The following DUSP5 variants were observed in gnomAD, a reference collection of about 807,000 sequenced individuals.
DUSP5 encodes the protein dual specificity phosphatase 5, also known as dual specificity protein phosphatase 5.
Under a neutral mutation model 33.6 loss-of-function variants are expected in DUSP5, and 22 were observed. The observed-to-expected ratio is 0.66, with a 90% CI of 0.47 to 0.94. DUSP5 has a LOEUF of 0.94. DUSP5 is among the 40% of genes least tolerant of loss of function. The pLI, the probability that DUSP5 is intolerant of heterozygous loss-of-function variation, is 0.00. For missense variants in DUSP5, 551 were observed against 522.1 expected (o/e 1.06, Z -0.54); for synonymous variants, 270 against 231.1 (o/e 1.17, Z -1.53).
At chr10:110,499,106 C>T (rs1422583845) in intron 1 of DUSP5, among the ~76,000 whole-genome samples, 1 of 152,104 alleles carries the variant, frequency 6.6e-6, no homozygotes, top group Non-Finnish European at 1.5e-5. Flanking sequence ...TCCTTTCCAC[C>T]CTTTTCACCT....
At chr10:110,508,100 T>G (rs1475328395) in intron 3 of DUSP5, among the ~76,000 whole-genome samples, 1 of 152,186 alleles carries the variant, frequency 6.6e-6, no homozygotes, top group Non-Finnish European at 1.5e-5. Context: ...AGATAGCAAT[T>G]AAAGGTCCCC....
At chr10:110,506,737 C>T (rs1860123685) in intron 2 of DUSP5, among the ~76,000 whole-genome samples, 198 bp from the exon 3 acceptor site, 1 of 152,190 alleles carries the variant, frequency 6.6e-6, no homozygotes, top group African/African-American at 2.4e-5. Context: ...AGTCACAAGG[C>T]AGTCACATAA....
At chr10:110,502,340 C>G (rs1472895365) in intron 1 of DUSP5, among the ~76,000 whole-genome samples, 1 of 152,136 alleles carries the variant, frequency 6.6e-6, no homozygotes, top group Non-Finnish European at 1.5e-5. Flanking sequence ...GTCTTCTCGC[C>G]AATTAATGAA....
chr10:110,498,376 C>T lies in DUSP5; in HGVS notation c.255C>T (p.Ala85=), dbSNP rs1277031293. The T allele has an allele frequency of 5.6e-6, 8 of 1,434,348 alleles. No homozygotes were observed. Among genetic ancestry groups the T allele is most frequent in the Non-Finnish European group, 7.3e-6 (8 of 1,094,208 alleles). The allele number at this position is 1,434,348 out of a possible 1,614,324, so 88.9% of individuals were successfully genotyped here. The part of the protein sequence containing the change: ...LLQEGGGGVA[A]VVVLDQGSRH... ...AGGAGGGCGGCGGCGGCGTCGCGGC[C>T]GTGGTGGTGCTGGACCAGGGCAGCC... The change falls in exon 1 of 4, where the codon GCC becomes GCT. Residue 85 remains alanine, a synonymous_variant. Coordinates refer to ENST00000369583, the MANE Select transcript of DUSP5 (RefSeq NM_004419.4).
At chr10:110,506,783 C>G (rs1292129845) in intron 2 of DUSP5, 152 bp from the exon 3 acceptor site, 1 of 785,136 alleles carries the variant, frequency 1.3e-6, no homozygotes, top group African/African-American at 1.7e-5. Flanking sequence ...TACAACCACA[C>G]TTGGTTGAAC....
intron 1 of DUSP5, among the ~76,000 whole-genome samples, chr10:110,501,123 G>A (rs1022031682): frequency 6.6e-6 from 1 of 152,162 alleles, no homozygotes; most frequent in Non-Finnish European, 1.5e-5. Context: ...GTCCAGGCAC[G>A]GGAAGTGATC....
rs1466059742 is a variant in DUSP5, at chr10:110,498,022, C to T, written c.-100C>T. ...CGCGGCCGCAGCCCCGCGGGTCGCC[C>T]TCCCGTGCCTCGCCCGCGGACACCC... On this transcript the variant is annotated 5_prime_UTR_variant, in exon 1 of 4. Coordinates refer to ENST00000369583, the MANE Select transcript of DUSP5 (RefSeq NM_004419.4). 9.2e-6 allele frequency: 9 copies of T among 975,006 alleles called. No homozygotes were observed. Among genetic ancestry groups the T allele is most frequent in the East Asian group, 1.0e-4 (1 of 9,756 alleles). The allele number at this position is 975,006 out of a possible 1,614,324, so 60.4% of individuals were successfully genotyped here. A position where few individuals can be genotyped will look rare whatever the true frequency, so the allele number is the denominator to read the frequency against.
At position 110,502,701 on chromosome 10, in the gene DUSP5, C is replaced by T. The variant is rs200239535; in HGVS notation, c.380-20C>T. 2 of 1,609,218 alleles carry T rather than the reference C, an allele frequency of 1.2e-6. No homozygotes were observed. Among genetic ancestry groups the T allele is most frequent in the South Asian group, 2.2e-5 (2 of 90,614 alleles). ...AATTGATGCTTACCATCTGTCTCAC[C>T]TTTTTGTTTGTTTTTGTAGGGGGAT... is the stretch of plus-strand genomic sequence containing the variant. On this transcript the variant is annotated intron_variant, in intron 1 of 3. Coordinates refer to ENST00000369583, the MANE Select transcript of DUSP5 (RefSeq NM_004419.4).
intron 2 of DUSP5, among the ~76,000 whole-genome samples, chr10:110,505,516 AAAGCT>A (rs2134661752): frequency 6.6e-6 from 1 of 152,358 alleles, no homozygotes; most frequent in South Asian, 2.1e-4. Context: ...CAGGAAACAA[AAAGCT>A]AACTCCGGGT....
chr10:110,506,658 C>T (rs966666554), intron 2 of DUSP5, among the ~76,000 whole-genome samples: 11 of 152,252 alleles, frequency 7.2e-5, no homozygotes, highest in African/African-American at 2.4e-4. Context: ...GGAAGGCTGT[C>T]GGCATATCCT....
rs1003723082 is a variant in DUSP5 at position 110,506,993 on chromosome 10, A to G, written c.587A>G (p.Lys196Arg). The G allele has an allele frequency of 1.2e-6, 2 of 1,614,166 alleles. No homozygotes were observed. Among genetic ancestry groups the G allele is most frequent in the African/African-American group, 2.7e-5 (2 of 74,952 alleles). The change falls in exon 3 of 4, where the codon AAG becomes AGG. Residue 196 changes from lysine (K) to arginine (R), a missense_variant. Lys to Arg is a conservative substitution (Grantham distance 26, BLOSUM62 2). Transcript: ENST00000369583. ...LYLGSAYHAS[K>R]CEFLANLHIT... Reference sequence around the variant, plus strand: ...CTTGGAAGTGCCTACCATGCATCCAAGTGCGAGTTCCTCGCCAACCTGCAC... The same window carrying G: ...CTTGGAAGTGCCTACCATGCATCCAGGTGCGAGTTCCTCGCCAACCTGCAC...
chr10:110,499,155 C>A (rs1019814694), intron 1 of DUSP5, among the ~76,000 whole-genome samples: 3 of 152,126 alleles, frequency 2.0e-5, no homozygotes, highest in African/African-American at 7.2e-5. Flanking sequence ...TGGGACCCAT[C>A]CTGAGCTGAG....
At chr10:110,500,872 G>A (rs532049439) in intron 1 of DUSP5, among the ~76,000 whole-genome samples, 14 of 152,352 alleles carry the variant, frequency 9.2e-5, no homozygotes, top group African/African-American at 2.4e-4. Flanking sequence ...GCAGGACCCT[G>A]TTTATCTGTC....
chr10:110,509,243 T>C (rs1230501144), intron 3 of DUSP5, among the ~76,000 whole-genome samples: 1 of 152,224 alleles, frequency 6.6e-6, no homozygotes, highest in Non-Finnish European at 1.5e-5. Flanking sequence ...CATCCTCCCC[T>C]TTTTGTCATA....
rs1000153585 is a variant in DUSP5, at chr10:110,508,176, A to G, written c.748+1022A>G. Among the ~76,000 whole-genome samples, 5 of 152,120 alleles carry G rather than the reference A, an allele frequency of 3.3e-5. No homozygotes were observed. The East Asian group carries it at 9.7e-4, about 29-fold the overall frequency. ...TGCTCCCCAGGAAACCCTGACGAGA[A>G]ACTCATCAGAGGCAAAAGGCCGAGC... On this transcript the variant is annotated intron_variant, in intron 3 of 3. Coordinates refer to ENST00000369583, the MANE Select transcript of DUSP5 (RefSeq NM_004419.4).
Position 110,497,989 on chromosome 10 carries a change from G to A in DUSP5, c.-133G>A. On this transcript the variant is annotated 5_prime_UTR_variant, in exon 1 of 4. Transcript: ENST00000369583. The stretch of plus-strand genomic sequence containing the variant: ...GAGTTGCGCCGCCGCTCGGGCGCCG[G>A]GCTCCGTCGCGGCCGCAGCCCCGCG... The A allele has an allele frequency of 1.3e-6, 1 of 749,466 alleles. No homozygotes were observed. 46.4% of individuals were successfully genotyped at this position (749,466 alleles called of 1,614,324 possible).
chr10:110,509,204 G>A (rs1005187438), intron 3 of DUSP5, among the ~76,000 whole-genome samples: 2 of 152,206 alleles, frequency 1.3e-5, no homozygotes, highest in African/African-American at 2.4e-5. Flanking sequence ...CTGGGGGCAG[G>A]GGGCTGGGAG....
chr10:110,506,052 CT>C lies in DUSP5; in HGVS notation c.529-877del, dbSNP rs552054622. Reference sequence around the variant, plus strand: ...GTTATTTTCATTTCTAAAAAGCATACTTTTTTGTGGAGGTGGAGGTGCATTT... The same window carrying C: ...GTTATTTTCATTTCTAAAAAGCATACTTTTTGTGGAGGTGGAGGTGCATTT... On this transcript the variant is annotated intron_variant, in intron 2 of 3. Coordinates refer to ENST00000369583, the MANE Select transcript of DUSP5 (RefSeq NM_004419.4). Among the ~76,000 whole-genome samples the C allele has an allele frequency of 7.2e-5, 11 of 152,236 alleles. No individual in the cohort carries two copies. The South Asian group carries it at 2.3e-3, about 32-fold the overall frequency.
rs143456586 is a variant in DUSP5 at position 110,498,181 on chromosome 10, G to A, written c.60G>A (p.Ala20=). 53 of 1,496,474 alleles carry A rather than the reference G, an allele frequency of 3.5e-5. No individual in the cohort carries two copies. The African/African-American group carries it at 6.1e-4, about 17-fold the overall frequency. The allele number at this position is 1,496,474 out of a possible 1,614,324, so 92.7% of individuals were successfully genotyped here. A position where few individuals can be genotyped will look rare whatever the true frequency, so the allele number is the denominator to read the frequency against. The part of the protein sequence containing the change: ...QLRKMLRKEA[A]ARCVVLDCRP... ...GCAAGATGCTCCGCAAGGAGGCGGC[G>A]GCGCGCTGCGTGGTGCTCGACTGCC... Residue 20 remains alanine, a synonymous_variant, in exon 1 of 4, where the codon GCG becomes GCA. Coordinates refer to ENST00000369583, the MANE Select transcript of DUSP5 (RefSeq NM_004419.4).
Sources: allele counts gnomAD v4.1 joint callset (sites outside exome capture counted in the v4.1 genomes callset), GRCh38; gene constraint gnomAD v4.1.1; transcripts MANE v1.5; gene names NCBI Gene and HGNC (gene_info 2026-07-23, HGNC 2026-07-21).